PDE4D: variants seen among roughly 807,000 people sequenced by gnomAD.
PDE4D encodes the protein 3',5'-cyclic-AMP phosphodiesterase 4D.
PDE4D carries 24 observed loss-of-function variants against 87.4 expected under a neutral mutation model. That is an observed-to-expected ratio of 0.27 (90% confidence interval 0.20 to 0.39). PDE4D has a LOEUF of 0.39. Ranked by LOEUF, PDE4D falls within the 10% of genes least tolerant of loss-of-function variation. The probability of loss-of-function intolerance (pLI) is 1.00; values close to 1 mark genes in which losing one functional copy is unlikely to be tolerated. For missense variants in PDE4D, 714 were observed against 1,041.0 expected (o/e 0.69, Z 4.32); for synonymous variants, 384 against 383.2 (o/e 1.00, Z -0.02).
chr5:59,238,340 A>G lies in PDE4D; in HGVS notation c.456-22372T>C, dbSNP rs1756928293. Among the ~76,000 whole-genome samples, 3 of 152,208 alleles carry G rather than the reference A, an allele frequency of 2.0e-5. No homozygotes were observed. In the South Asian group the frequency reaches 6.2e-4, roughly 31 times the overall value. ...ATGACTCTTGTAATATAGGATCAAC[A>G]GTAAACTGGGACCTTGTCATTTGCA... On this transcript the variant is annotated intron_variant, in intron 1 of 14. Coordinates refer to ENST00000340635, the MANE Select transcript of PDE4D (RefSeq NM_001104631.2).
At chr5:59,722,432 G>A (rs148306453) in intron 1 of PDE4D, among the ~76,000 whole-genome samples, 39 of 152,166 alleles carry the variant, frequency 2.6e-4, no homozygotes, top group Non-Finnish European at 4.4e-4. Context: ...TTAATTTAAA[G>A]TATTCTAGAA....
intron 1 of PDE4D, among the ~76,000 whole-genome samples, chr5:60,454,948 T>G (rs985268877): frequency 6.7e-6 from 1 of 149,668 alleles, no homozygotes; most frequent in South Asian, 2.1e-4. Flanking sequence ...GAAGGAAAAA[T>G]GAGGCAAGAG....
At chr5:59,428,187 C>G (rs755972877) in intron 1 of PDE4D, among the ~76,000 whole-genome samples, 2 of 152,130 alleles carry the variant, frequency 1.3e-5, no homozygotes, top group African/African-American at 2.4e-5. Flanking sequence ...CCAAGAAAAA[C>G]ATGCTGTTCT....
intron 1 of PDE4D, among the ~76,000 whole-genome samples, chr5:59,483,080 T>C (rs764801962): frequency 4.6e-5 from 7 of 152,174 alleles, no homozygotes; most frequent in Admixed American, 1.3e-4. Flanking sequence ...TCCTCCTGCC[T>C]GCCTGAGCTG....
chr5:58,984,020 T>G (rs1745844432), intron 11 of PDE4D, among the ~76,000 whole-genome samples: 1 of 152,226 alleles, frequency 6.6e-6, no homozygotes, highest in South Asian at 2.1e-4. Context: ...TATAGATATG[T>G]ATCCTGTAAG....
intron 1 of PDE4D, among the ~76,000 whole-genome samples, chr5:59,428,319 T>A (rs1414901728): frequency 1.3e-5 from 2 of 152,202 alleles, no homozygotes; most frequent in Non-Finnish European, 2.9e-5. Context: ...CAATTTTTTT[T>A]ATCTTTTATT....
At chr5:60,092,853 T>C (rs1390767536) in intron 2 of PDE4D, among the ~76,000 whole-genome samples, 1 of 152,212 alleles carries the variant, frequency 6.6e-6, no homozygotes, top group Non-Finnish European at 1.5e-5. Flanking sequence ...TGGGACACTC[T>C]TGACTCTGGG....
intron 1 of PDE4D, among the ~76,000 whole-genome samples, chr5:59,331,634 T>A (rs1264008346): frequency 6.6e-6 from 1 of 152,200 alleles, no homozygotes; most frequent in Non-Finnish European, 1.5e-5. Flanking sequence ...TTTTCCAGAA[T>A]CATTTTGATA....
chr5:59,276,181 G>C (rs1764786968), intron 1 of PDE4D: 1 of 967,992 alleles, frequency 1.0e-6, no homozygotes, highest in Non-Finnish European at 1.2e-6. Context: ...GTCAATTGCT[G>C]AGACTTACAA....
At chr5:59,890,790 T>C (rs1460296619) in intron 1 of PDE4D, among the ~76,000 whole-genome samples, 2 of 152,234 alleles carry the variant, frequency 1.3e-5, no homozygotes, top group East Asian at 1.9e-4. Flanking sequence ...GTCTATCAAA[T>C]AGAGATAATA....
At chr5:59,728,878 T>C (rs1756978829) in intron 1 of PDE4D, among the ~76,000 whole-genome samples, 1 of 152,102 alleles carries the variant, frequency 6.6e-6, no homozygotes, top group Non-Finnish European at 1.5e-5. Flanking sequence ...ACATATGTTA[T>C]TTCATATAAA....
intron 1 of PDE4D, among the ~76,000 whole-genome samples, chr5:59,840,045 T>C (rs977351891): frequency 1.3e-5 from 2 of 151,968 alleles, no homozygotes; most frequent in African/African-American, 4.8e-5. Context: ...CTTCCAACAC[T>C]TTCCCCCTCT....
intron 1 of PDE4D, among the ~76,000 whole-genome samples, chr5:59,733,818 A>C (rs533151247): frequency 6.6e-6 from 1 of 152,168 alleles, no homozygotes; most frequent in South Asian, 2.1e-4. Context: ...TAAGCATATA[A>C]GTTAGAAAAT....
In PDE4D at chr5:59,533,572, C is replaced by T. The variant is rs1814611802; in HGVS notation, c.456-317604G>A. On this transcript the variant is annotated intron_variant, in intron 1 of 14. Transcript: ENST00000340635. ...ATTACAGTGTTTGGCGACAACAAAG[C>T]TATTCATTGTTAGTCAACAGATATG... Among the ~76,000 whole-genome samples the T allele has an allele frequency of 2.0e-5, 3 of 152,164 alleles. No homozygotes were observed. In the South Asian group the frequency reaches 6.2e-4, roughly 32 times the overall value.
chr5:59,107,612 G>A (rs1297427377), intron 5 of PDE4D, among the ~76,000 whole-genome samples: 1 of 152,206 alleles, frequency 6.6e-6, no homozygotes, highest in Non-Finnish European at 1.5e-5. Flanking sequence ...AGAAGGAGAA[G>A]TAGAGGGGAG....
intron 1 of PDE4D, among the ~76,000 whole-genome samples, chr5:59,847,645 T>C (rs963898697): frequency 2.6e-5 from 4 of 152,122 alleles, no homozygotes; most frequent in African/African-American, 9.6e-5. Flanking sequence ...TCTGAACATG[T>C]TCTTTGTTTT....
intron 1 of PDE4D, among the ~76,000 whole-genome samples, chr5:59,222,074 CTA>C (rs747420631): frequency 4.6e-5 from 7 of 152,278 alleles, no homozygotes; most frequent in Admixed American, 6.5e-5. Flanking sequence ...CCATCCTTTT[CTA>C]TGGAACCAGC....
At chr5:59,722,295 T>A (rs1390685500) in intron 1 of PDE4D, among the ~76,000 whole-genome samples, 1 of 152,220 alleles carries the variant, frequency 6.6e-6, no homozygotes, top group Non-Finnish European at 1.5e-5. Flanking sequence ...GTGAGAAATG[T>A]GCAAGTCTCT....
intron 2 of PDE4D, among the ~76,000 whole-genome samples, chr5:60,054,697 T>C (rs1276326023): frequency 6.6e-6 from 1 of 151,834 alleles, no homozygotes; most frequent in Non-Finnish European, 1.5e-5. Context: ...AATAAGTTAA[T>C]TATAAACTAA....
Sources: allele counts gnomAD v4.1 joint callset (sites outside exome capture counted in the v4.1 genomes callset), GRCh38; gene constraint gnomAD v4.1.1; transcripts MANE v1.5; gene names NCBI Gene and HGNC (gene_info 2026-07-23, HGNC 2026-07-21).